CHST8: variants seen among roughly 807,000 people sequenced by gnomAD.
CHST8 encodes the protein GALNAC-4-ST1.
CHST8 carries 10 observed loss-of-function variants against 15.0 expected under a neutral mutation model. The observed-to-expected ratio is 0.67, with a 90% CI of 0.41 to 1.13. The LOEUF (loss-of-function observed/expected upper bound fraction) is 1.13, where lower values mean the gene tolerates loss of function less well. Among genes scored for constraint, CHST8 ranks in the 50% most tolerant of loss-of-function variants. The pLI, the probability that CHST8 is intolerant of heterozygous loss-of-function variation, is 0.00. For synonymous variants in CHST8, 259 were observed against 256.6 expected (o/e 1.01, Z -0.09); for missense variants, 634 against 608.2 (o/e 1.04, Z -0.45).
At chr19:33,710,892 G>A (rs1269758964) in intron 3 of CHST8, among the ~76,000 whole-genome samples, 1 of 142,820 alleles carries the variant, frequency 7.0e-6, no homozygotes, top group Non-Finnish European at 1.5e-5. Context: ...TTTTTTTTAA[G>A]GGGTAGGGTC....
chr19:33,739,087 T>C (rs555700809), intron 3 of CHST8, among the ~76,000 whole-genome samples: 21 of 152,316 alleles, frequency 1.4e-4, no homozygotes, highest in Non-Finnish European at 2.8e-4. Context: ...ACTTACCATG[T>C]AAAGTTACAC....
At chr19:33,702,834 G>A (rs77201636) in intron 3 of CHST8, among the ~76,000 whole-genome samples, 13,471 of 152,300 alleles carry the variant, frequency 0.088, 775 homozygotes, top group African/African-American at 0.16. Flanking sequence ...AGGAGGAAGC[G>A]GAGGTCACAA....
Position 33,699,562 on chromosome 19 carries a change from T to C in CHST8, c.130+10171T>C, listed in dbSNP as rs1973290867. Among the ~76,000 whole-genome samples the C allele has an allele frequency of 2.0e-5, 3 of 152,130 alleles. No homozygotes were observed. In the South Asian group the frequency reaches 6.2e-4, roughly 32 times the overall value. ...GAAGCGGGCTTGGGTGAGATTCCAG[T>C]GGAGCCAGGGGTCTCCCTCCGCAGC... On this transcript the variant is annotated intron_variant, in intron 3 of 4. Transcript: ENST00000650847.
At chr19:33,718,545 C>T (rs1037536783) in intron 3 of CHST8, among the ~76,000 whole-genome samples, 2 of 152,216 alleles carry the variant, frequency 1.3e-5, no homozygotes, top group African/African-American at 4.8e-5. Context: ...TCTGCTCCCA[C>T]CCTCCGTCCC....
intron 1 of CHST8, among the ~76,000 whole-genome samples, chr19:33,641,409 C>T (rs1972282046): frequency 2.0e-5 from 3 of 152,194 alleles, no homozygotes; most frequent in Admixed American, 2.0e-4. Flanking sequence ...ATCTCCGCCC[C>T]ACCACCCCCT....
At chr19:33,757,216 C>T (rs1257246555) in intron 3 of CHST8, among the ~76,000 whole-genome samples, 3 of 151,308 alleles carry the variant, frequency 2.0e-5, no homozygotes, top group Admixed American at 6.6e-5. Context: ...ATAGTAAAAC[C>T]CCGTCTTTAC....
chr19:33,746,977 T>C (rs939735994), intron 3 of CHST8, among the ~76,000 whole-genome samples: 3 of 152,204 alleles, frequency 2.0e-5, no homozygotes, highest in Non-Finnish European at 2.9e-5. Context: ...AGCAATCGGT[T>C]TGGGCACATG....
chr19:33,624,003 A>G (rs568220678), intron 1 of CHST8, among the ~76,000 whole-genome samples: 95 of 152,350 alleles, frequency 6.2e-4, no homozygotes, highest in African/African-American at 2.2e-3. Flanking sequence ...ATTTGAACAC[A>G]GAAAAACCTC....
chr19:33,773,041 A>G lies in CHST8; in HGVS notation c.1253A>G (p.Lys418Arg), dbSNP rs754030168. ...YMDYLMFNYS[K>R]PFADLY ...GATTACCTGATGTTCAACTATTCCA[A>G]GCCCTTTGCAGATCTGTACTGAGGG... Residue 418 changes from lysine (K) to arginine (R), a missense_variant, in exon 5 of 5, where the codon AAG (lysine) becomes AGG (arginine). By Grantham distance (26) the Lys-to-Arg change is conservative. Coordinates refer to ENST00000650847, the MANE Select transcript of CHST8 (RefSeq NM_001127895.2). 1 of 1,608,244 alleles carries G rather than the reference A, an allele frequency of 6.2e-7. No homozygotes were observed. Among genetic ancestry groups the G allele is most frequent in the South Asian group, 1.1e-5 (1 of 90,950 alleles).
chr19:33,645,590 T>C (rs1036149354), intron 1 of CHST8, among the ~76,000 whole-genome samples: 2 of 151,896 alleles, frequency 1.3e-5, no homozygotes, highest in Admixed American at 6.6e-5. Flanking sequence ...ACAGCTGAGG[T>C]GGGAAAGAGT....
At chr19:33,658,494 A>C (rs934760010) in intron 1 of CHST8, among the ~76,000 whole-genome samples, 3 of 152,194 alleles carry the variant, frequency 2.0e-5, no homozygotes, top group African/African-American at 7.2e-5. Flanking sequence ...AAGCCCTCTT[A>C]GTTTTGGATG....
chr19:33,734,537 C>T (rs1405425448), intron 3 of CHST8, among the ~76,000 whole-genome samples: 3 of 152,166 alleles, frequency 2.0e-5, no homozygotes, highest in African/African-American at 2.4e-5. Context: ...TGCTGTCCCC[C>T]AGGTGGGATG....
chr19:33,658,431 G>T (rs1972541465), intron 1 of CHST8, among the ~76,000 whole-genome samples: 1 of 152,150 alleles, frequency 6.6e-6, no homozygotes, highest in Non-Finnish European at 1.5e-5. Flanking sequence ...CCTTCTCTGT[G>T]AGTTCATTTT....
intron 2 of CHST8, among the ~76,000 whole-genome samples, chr19:33,668,322 C>T (rs146995536): frequency 2.5e-3 from 386 of 152,306 alleles, no homozygotes; most frequent in African/African-American, 8.1e-3. Flanking sequence ...GCCTAACACT[C>T]TGCCCTCCTT....
At chr19:33,697,166 A>G (rs915691682) in intron 3 of CHST8, among the ~76,000 whole-genome samples, 10 of 151,654 alleles carry the variant, frequency 6.6e-5, no homozygotes, top group African/African-American at 2.4e-4. Context: ...AGAAATGTCT[A>G]TTCATGTCCT....
intron 3 of CHST8, among the ~76,000 whole-genome samples, chr19:33,749,579 C>A (rs550399582): frequency 2.0e-5 from 3 of 152,000 alleles, no homozygotes; most frequent in Admixed American, 2.0e-4. Context: ...ATGAAGACAG[C>A]GGTGATGAGG....
intron 1 of CHST8, among the ~76,000 whole-genome samples, chr19:33,632,675 A>G (rs1259156006): frequency 6.6e-6 from 1 of 151,226 alleles, no homozygotes; most frequent in East Asian, 2.0e-4. Flanking sequence ...CCCCCCCATG[A>G]CCTCTTCCAG....
chr19:33,764,743 C>T (rs1424874640), intron 3 of CHST8, among the ~76,000 whole-genome samples: 2 of 151,980 alleles, frequency 1.3e-5, no homozygotes, highest in Non-Finnish European at 2.9e-5. Flanking sequence ...GTTTGATTAC[C>T]TAAGTTCTTT....
At chr19:33,643,021 C>T (rs1972303671) in intron 1 of CHST8, among the ~76,000 whole-genome samples, 1 of 152,050 alleles carries the variant, frequency 6.6e-6, no homozygotes, top group Non-Finnish European at 1.5e-5. Flanking sequence ...TGGGGGTTTT[C>T]GTTTTTGTTT....
Sources: gnomAD v4.1 joint callset for allele counts (sites outside exome capture counted in the v4.1 genomes callset) on GRCh38, gnomAD v4.1.1 for gene constraint, MANE v1.5 for transcripts, NCBI Gene and HGNC (gene_info 2026-07-23, HGNC 2026-07-21) for gene names.